UNC13C: variants seen among roughly 807,000 people sequenced by gnomAD.
The protein encoded by UNC13C is protein unc-13 homolog C.
A neutral mutation model predicts 245.4 loss-of-function variants in UNC13C; 174 were observed. The ratio of observed to expected loss-of-function variants is 0.71; its 90% CI spans 0.63 to 0.80. UNC13C has a LOEUF of 0.80. Ranked by LOEUF, UNC13C falls within the 30% of genes least tolerant of loss-of-function variation. The probability of loss-of-function intolerance (pLI) is 0.00; values close to 1 mark genes in which losing one functional copy is unlikely to be tolerated. For missense variants in UNC13C, 2,829 were observed against 2,602.9 expected (o/e 1.09, Z -1.89); for synonymous variants, 992 against 895.1 (o/e 1.11, Z -1.93).
At position 54,015,273 on chromosome 15, in the gene UNC13C, G is replaced by T; in HGVS notation, c.2370G>T (p.Lys790Asn). ...GATTAAGCATTGACCTTTCTGATAA[G>T]ACTTTCAGCTTCCCAAAATTTGGAT... ...HSRLSIDLSDKTFSFPKFGST... is the reference protein window; with the variant it reads ...HSRLSIDLSDNTFSFPKFGST... The change falls in exon 2 of 33, where the codon AAG becomes AAT. Residue 790 changes from lysine (K) to asparagine (N), a missense_variant. By Grantham distance (94) the Lys-to-Asn change is moderately conservative. Transcript: ENST00000260323. 6.5e-7 allele frequency: 1 copy of T among 1,545,624 alleles called. No homozygotes were observed. Among genetic ancestry groups the T allele is most frequent in the Non-Finnish European group, 8.7e-7 (1 of 1,145,988 alleles).
intron 30 of UNC13C, among the ~76,000 whole-genome samples, chr15:54,597,244 C>G (rs913732210): frequency 6.6e-6 from 1 of 152,186 alleles, no homozygotes; most frequent in African/African-American, 2.4e-5. Flanking sequence ...CAGTTCCTAA[C>G]AGGCCACAGA....
chr15:54,374,757 T>C lies in UNC13C; in HGVS notation c.4714-18291T>C, dbSNP rs114248000. Among the ~76,000 whole-genome samples, 1,383 of 152,318 alleles carry C rather than the reference T, an allele frequency of 9.1e-3. 20 individuals are homozygous for C. Among genetic ancestry groups the C allele is most frequent in the African/African-American group, 0.032 (1,330 of 41,572 alleles). On this transcript the variant is annotated intron_variant, in intron 17 of 32. Transcript: ENST00000260323. ...GCTTCTGCCTGTTCCTGGCTCCTGC[T>C]AGCTCTGTGGAGCATGCAGTCCTGG...
the UNC13C span, among the ~76,000 whole-genome samples, chr15:53,859,484 C>G: frequency 1.2e-4 from 18 of 152,208 alleles, no homozygotes; most frequent in Non-Finnish European, 2.2e-4. Flanking sequence ...AAAACAAATT[C>G]TTTGCATTGT....
At chr15:53,931,906 T>A in the UNC13C span, among the ~76,000 whole-genome samples, 2 of 152,176 alleles carry the variant, frequency 1.3e-5, no homozygotes, top group Non-Finnish European at 2.9e-5. Context: ...TGGAAATGAT[T>A]AAGCTGATTG....
intron 16 of UNC13C, 125 bp from the exon 17 acceptor site, chr15:54,338,236 G>T: frequency 8.9e-7 from 1 of 1,126,052 alleles, no homozygotes; most frequent in South Asian, 2.3e-5. Flanking sequence ...CACATGGTAA[G>T]ATGACACTTA....
intron 22 of UNC13C, among the ~76,000 whole-genome samples, chr15:54,501,255 T>C (rs492690): frequency 0.48 from 73,545 of 151,896 alleles, 18,397 homozygotes; most frequent in East Asian, 0.68. Context: ...ATTACTCCCA[T>C]TTCAAATGTG....
chr15:54,604,990 C>T (rs930674335), intron 30 of UNC13C, among the ~76,000 whole-genome samples: 1 of 152,108 alleles, frequency 6.6e-6, no homozygotes, highest in Admixed American at 6.5e-5. Context: ...CAGCTCTGTT[C>T]TGTGTTGAGA....
intron 2 of UNC13C, among the ~76,000 whole-genome samples, chr15:54,106,324 T>C (rs1900442905): frequency 6.6e-6 from 1 of 152,184 alleles, no homozygotes. Flanking sequence ...AAATGAATCA[T>C]TACTGATGTT....
At chr15:54,204,329 C>T (rs1555431027) in intron 4 of UNC13C, among the ~76,000 whole-genome samples, 2 of 118,064 alleles carry the variant, frequency 1.7e-5, no homozygotes, top group Non-Finnish European at 3.9e-5. Flanking sequence ...AAACCAAAAC[C>T]ACCTCAATTC....
chr15:54,163,421 G>A (rs1475349926), intron 4 of UNC13C, among the ~76,000 whole-genome samples: 1 of 152,092 alleles, frequency 6.6e-6, no homozygotes, highest in Admixed American at 6.5e-5. Context: ...TTTGTTATAA[G>A]CCATTAAATT....
chr15:54,304,633 C>G (rs1020198858), intron 13 of UNC13C, among the ~76,000 whole-genome samples: 1 of 140,508 alleles, frequency 7.1e-6, no homozygotes, highest in Non-Finnish European at 1.5e-5. Flanking sequence ...AATTCTTTCT[C>G]TGTTCCTTTG....
chr15:54,414,912 A>T (rs2140950482), intron 18 of UNC13C, 70 bp from the exon 19 acceptor site: 1 of 1,004,938 alleles, frequency 1.0e-6, no homozygotes, highest in Non-Finnish European at 1.5e-6. Flanking sequence ...GTATATATGT[A>T]AAATGCTGTA....
intron 2 of UNC13C, among the ~76,000 whole-genome samples, chr15:54,085,189 T>C (rs1366044854): frequency 6.6e-6 from 1 of 152,066 alleles, no homozygotes; most frequent in Non-Finnish European, 1.5e-5. Flanking sequence ...AAGAAGCTAG[T>C]AGAGAGTTAT....
chr15:54,283,390 CATT>C (rs2037051335), intron 10 of UNC13C, among the ~76,000 whole-genome samples: 1 of 151,892 alleles, frequency 6.6e-6, no homozygotes, highest in African/African-American at 2.4e-5. Context: ...ATAATCCCTA[CATT>C]ATAAGTTTTT....
intron 4 of UNC13C, among the ~76,000 whole-genome samples, chr15:54,150,877 T>A (rs59602197): frequency 2.6e-5 from 4 of 152,040 alleles, no homozygotes; most frequent in Non-Finnish European, 5.9e-5. Flanking sequence ...TTTCTTGGGG[T>A]AGATTATAAA....
chr15:54,586,154 T>C (rs1259246865), intron 30 of UNC13C, among the ~76,000 whole-genome samples: 1 of 152,200 alleles, frequency 6.6e-6, no homozygotes, highest in African/African-American at 2.4e-5. Context: ...CTTTTAAAAA[T>C]TTTTGTATAT....
rs1286984846 is a variant in UNC13C at position 54,433,643 on chromosome 15, A to T, written c.4933+18576A>T. Among the ~76,000 whole-genome samples the T allele has an allele frequency of 4.6e-5, 7 of 152,228 alleles. No individual in the cohort carries two copies. In the East Asian group the frequency reaches 1.4e-3, roughly 30 times the overall value. ...GGCAATATCATACTGAATGGGCAAA[A>T]GCTGAAAACATTCCCTTTGAAAACT... On this transcript the variant is annotated intron_variant, in intron 19 of 32. Coordinates refer to ENST00000260323, the MANE Select transcript of UNC13C (RefSeq NM_001080534.3).
At chr15:54,512,269 G>A in intron 24 of UNC13C, 1 of 446,068 alleles carries the variant, frequency 2.2e-6, no homozygotes, top group Non-Finnish European at 4.5e-6. Context: ...AGAAAGCTCT[G>A]TCAAAAATGT....
chr15:54,391,087 A>G (rs946081647), intron 17 of UNC13C, among the ~76,000 whole-genome samples: 3 of 152,120 alleles, frequency 2.0e-5, no homozygotes, highest in African/African-American at 7.2e-5. Flanking sequence ...TATTTCAACT[A>G]CTTCTGTCTC....
Sources: gnomAD v4.1 joint callset for allele counts (sites outside exome capture counted in the v4.1 genomes callset) on GRCh38, gnomAD v4.1.1 for gene constraint, MANE v1.5 for transcripts, NCBI Gene and HGNC (gene_info 2026-07-23, HGNC 2026-07-21) for gene names.